The following PSMB2 variants were observed in gnomAD, a reference collection of about 807,000 sequenced individuals.
PSMB2 encodes proteasome 20S subunit beta 2, also known as proteasome subunit beta type-2.
A neutral mutation model predicts 25.7 loss-of-function variants in PSMB2; 13 were observed. The observed-to-expected ratio is 0.51, with a 90% CI of 0.33 to 0.80. PSMB2 has a LOEUF of 0.80. Ranked by LOEUF, PSMB2 falls within the 30% of genes least tolerant of loss-of-function variation. The pLI is 0.02. For synonymous variants in PSMB2, 87 were observed against 96.2 expected, an observed-to-expected ratio of 0.90 and a Z score of 0.56; for missense variants, 202 against 259.0, an observed-to-expected ratio of 0.78 and a Z score of 1.51.
chr1:35,625,060 C>CAAA (rs5773505), intron 3 of PSMB2, among the ~76,000 whole-genome samples: 25 of 146,082 alleles, frequency 1.7e-4, no homozygotes, highest in African/African-American at 4.8e-4. Flanking sequence ...AACTCCACCT[C>CAAA]AAAAAAAAAA....
intron 3 of PSMB2, among the ~76,000 whole-genome samples, chr1:35,630,724 T>C (rs1651063973): frequency 6.6e-6 from 1 of 152,204 alleles, no homozygotes; most frequent in Non-Finnish European, 1.5e-5. Flanking sequence ...AAAGGATTTT[T>C]AGGGCAGTGA....
chr1:35,630,936 G>A (rs1651074677), intron 3 of PSMB2, among the ~76,000 whole-genome samples: 2 of 152,204 alleles, frequency 1.3e-5, no homozygotes, highest in African/African-American at 4.8e-5. Context: ...GGGTGAGGAG[G>A]AATGTGGGAA....
intron 3 of PSMB2, among the ~76,000 whole-genome samples, chr1:35,625,400 A>G (rs1022538736): frequency 6.6e-6 from 1 of 152,162 alleles, no homozygotes; most frequent in Non-Finnish European, 1.5e-5. Flanking sequence ...CTGTCTCTCT[A>G]TCTGTTAAAT....
At chr1:35,625,794 CTCA>C (rs1650843251) in intron 3 of PSMB2, among the ~76,000 whole-genome samples, 1 of 151,498 alleles carries the variant, frequency 6.6e-6, no homozygotes, top group Non-Finnish European at 1.5e-5. Context: ...AGCCCCATAA[CTCA>C]TCATCCTCTG....
chr1:35,611,004 C>T (rs1650313508), intron 3 of PSMB2, among the ~76,000 whole-genome samples: 1 of 151,970 alleles, frequency 6.6e-6, no homozygotes. Context: ...TTTTTCTACA[C>T]CAGCTGCGCC....
intron 3 of PSMB2, among the ~76,000 whole-genome samples, chr1:35,630,121 G>A (rs923017245): frequency 6.6e-6 from 1 of 152,172 alleles, no homozygotes; most frequent in African/African-American, 2.4e-5. Flanking sequence ...GTTCCAGTAA[G>A]CCAAGATTGC....
chr1:35,609,550 A>G, intron 3 of PSMB2, 142 bp from the exon 4 acceptor site: 1 of 812,528 alleles, frequency 1.2e-6, no homozygotes, highest in South Asian at 2.7e-5. Flanking sequence ...GTAAAAATGT[A>G]GGGAAATCTA....
intron 3 of PSMB2, among the ~76,000 whole-genome samples, chr1:35,609,760 T>C (rs1650276715): frequency 1.3e-5 from 2 of 152,240 alleles, no homozygotes; most frequent in Admixed American, 1.3e-4. Flanking sequence ...CTTAACTGTA[T>C]ATTTTAAAAT....
At position 35,599,680 on chromosome 1, in the gene PSMB2, A is replaced by G; in HGVS notation, c.*3587T>C. On this transcript the variant is annotated 3_prime_UTR_variant, in exon 6 of 6. Coordinates refer to ENST00000373237, the MANE Select transcript of PSMB2 (RefSeq NM_002794.5). ...CTCTTAAGCCATGGAAAACCACCAG[A>G]AAGTTTTAAGGGCAGAGAGGAATGG... 1.0e-6 allele frequency: 1 copy of G among 985,290 alleles called. No individual in the cohort carries two copies. The highest frequency in any genetic ancestry group is 1.2e-6 in the Non-Finnish European group (1 of 829,764). 61.0% of individuals were successfully genotyped at this position (985,290 alleles called of 1,614,324 possible). A position where few individuals can be genotyped will look rare whatever the true frequency, so the allele number is the denominator to read the frequency against.
chr1:35,609,412 C>A lies in PSMB2; in HGVS notation c.286-4G>T. ...GGAGGTTCACATGATATGGGGTCTG[C>A]AAAGAAAAGATATGGCAAAGTGATA... On this transcript the variant is annotated splice_region_variant and splice_polypyrimidine_tract_variant and intron_variant, in intron 3 of 5. Coordinates refer to ENST00000373237, the MANE Select transcript of PSMB2 (RefSeq NM_002794.5). 1 of 1,504,946 alleles carries A rather than the reference C, an allele frequency of 6.6e-7. No homozygotes were observed. Among genetic ancestry groups the A allele is most frequent in the Non-Finnish European group, 8.9e-7 (1 of 1,119,444 alleles). The allele number at this position is 1,504,946 out of a possible 1,614,324, so 93.2% of individuals were successfully genotyped here.
chr1:35,603,667 CAT>C (rs1557445435), intron 5 of PSMB2, among the ~76,000 whole-genome samples: 1 of 152,178 alleles, frequency 6.6e-6, no homozygotes, highest in Admixed American at 6.5e-5. Flanking sequence ...TTCTGTTCCC[CAT>C]AGTCTGTTAC....
chr1:35,627,189 C>T (rs910572097), intron 3 of PSMB2, among the ~76,000 whole-genome samples: 32 of 148,590 alleles, frequency 2.2e-4, no homozygotes, highest in Non-Finnish European at 3.3e-4. Flanking sequence ...ATTGTTTGAG[C>T]CCGGGAGGTT....
intron 3 of PSMB2, among the ~76,000 whole-genome samples, chr1:35,610,497 G>A (rs1247799007): frequency 6.6e-6 from 1 of 151,924 alleles, no homozygotes; most frequent in Non-Finnish European, 1.5e-5. Flanking sequence ...CTTTGTTGTT[G>A]TTTTTTTGTT....
chr1:35,615,980 T>A (rs1399313686), intron 3 of PSMB2, among the ~76,000 whole-genome samples: 1 of 152,196 alleles, frequency 6.6e-6, no homozygotes, highest in Middle Eastern at 3.2e-3. Context: ...TTTCTTTTAG[T>A]CCAGGGGATT....
intron 5 of PSMB2, among the ~76,000 whole-genome samples, chr1:35,603,889 G>A (rs977776945): frequency 6.6e-6 from 1 of 151,622 alleles, no homozygotes; most frequent in Non-Finnish European, 1.5e-5. Flanking sequence ...AATAAAATGA[G>A]CTGGGCATGG....
chr1:35,623,010 C>CT (rs1571133416), intron 3 of PSMB2, among the ~76,000 whole-genome samples: 1 of 152,160 alleles, frequency 6.6e-6, no homozygotes, highest in East Asian at 1.9e-4. Context: ...TGTCAGAATG[C>CT]TTACTCCTCC....
At chr1:35,638,070 G>A (rs1651294568) in intron 1 of PSMB2, among the ~76,000 whole-genome samples, 2 of 152,104 alleles carry the variant, frequency 1.3e-5, no homozygotes, top group Admixed American at 1.3e-4. Context: ...TATTTGAAGG[G>A]GGAGCTTGTT....
At chr1:35,638,393 A>G (rs375259654) in intron 1 of PSMB2, among the ~76,000 whole-genome samples, 32 of 152,284 alleles carry the variant, frequency 2.1e-4, no homozygotes, top group African/African-American at 7.7e-4. Flanking sequence ...TGGAAAACCA[A>G]CTGAACTAGA....
intron 3 of PSMB2, among the ~76,000 whole-genome samples, chr1:35,619,189 T>C (rs549036738): frequency 1.3e-5 from 2 of 152,372 alleles, no homozygotes; most frequent in East Asian, 3.9e-4. Flanking sequence ...AATTAGCTCA[T>C]GTTCAAATGT....
Sources: allele counts gnomAD v4.1 joint callset (sites outside exome capture counted in the v4.1 genomes callset), GRCh38; gene constraint gnomAD v4.1.1; transcripts MANE v1.5; gene names NCBI Gene and HGNC (gene_info 2026-07-23, HGNC 2026-07-21).